VAMP7: variants seen among roughly 807,000 people sequenced by gnomAD.
The protein encoded by VAMP7 is vesicle associated membrane protein 7.
Under a neutral mutation model 29.6 loss-of-function variants are expected in VAMP7, and 14 were observed. The observed-to-expected ratio is 0.47, with a 90% confidence interval of 0.31 to 0.74. The LOEUF (loss-of-function observed/expected upper bound fraction) is 0.74. Ranked by LOEUF, VAMP7 falls within the 30% of genes least tolerant of loss-of-function variation. The pLI, the probability that VAMP7 is intolerant of heterozygous loss-of-function variation, is 0.05. For missense variants in VAMP7, 223 were observed against 262.4 expected (o/e 0.85, Z 1.04); for synonymous variants, 95 against 88.1 (o/e 1.08, Z -0.44).
chrX:155,903,969 T>C (rs999161722), intron 5 of VAMP7, among the ~76,000 whole-genome samples: 15 of 151,872 alleles, frequency 9.9e-5, no homozygotes, highest in Admixed American at 3.9e-4. Flanking sequence ...TGTCCAACAA[T>C]GATAGACTGG....
At chrX:155,910,600 T>C (rs919437302) in intron 5 of VAMP7, among the ~76,000 whole-genome samples, 6 of 151,732 alleles carry the variant, frequency 4.0e-5, no homozygotes, top group African/African-American at 1.2e-4. Flanking sequence ...TTTTTTTTTT[T>C]CCTTATACTA....
chrX:155,936,934 T>C (rs2066668286), intron 6 of VAMP7, among the ~76,000 whole-genome samples: 1 of 152,072 alleles, frequency 6.6e-6, no homozygotes, highest in African/African-American at 2.4e-5. Context: ...ACACTGAAAA[T>C]TATAAAACAT....
chrX:155,927,917 GTTGT>G (rs923162517), intron 6 of VAMP7, among the ~76,000 whole-genome samples: 2 of 151,288 alleles, frequency 1.3e-5, no homozygotes, highest in African/African-American at 4.9e-5. Flanking sequence ...TGTTGTTGTT[GTTGT>G]TTGTTTTGTT....
intron 2 of VAMP7, among the ~76,000 whole-genome samples, chrX:155,891,854 G>A (rs1197359642): frequency 2.6e-5 from 4 of 152,156 alleles, no homozygotes; most frequent in African/African-American, 9.7e-5. Flanking sequence ...AGGTTTGTGG[G>A]CCTAGAGGTT....
At chrX:155,930,445 C>T (rs756453873) in intron 6 of VAMP7, among the ~76,000 whole-genome samples, 1 of 151,396 alleles carries the variant, frequency 6.6e-6, no homozygotes, top group African/African-American at 2.4e-5. Context: ...AAGTTCAAGA[C>T]CAGCCTAGGC....
At chrX:155,911,319 T>TA (rs2066234227) in intron 5 of VAMP7, among the ~76,000 whole-genome samples, 1 of 152,168 alleles carries the variant, frequency 6.6e-6, no homozygotes, top group South Asian at 2.1e-4. Flanking sequence ...TGTCTGTTTT[T>TA]ATACCAAACC....
At chrX:155,904,613 C>T (rs1468479620) in intron 5 of VAMP7, among the ~76,000 whole-genome samples, 1 of 151,920 alleles carries the variant, frequency 6.6e-6, no homozygotes, top group African/African-American at 2.4e-5. Flanking sequence ...CAGACCTAAG[C>T]AACAATTAAT....
chrX:155,934,401 A>G (rs959348313), intron 6 of VAMP7, among the ~76,000 whole-genome samples: 5 of 152,194 alleles, frequency 3.3e-5, no homozygotes, highest in Admixed American at 1.3e-4. Context: ...GGGTGCATAA[A>G]TATTTAGGAT....
intron 5 of VAMP7, among the ~76,000 whole-genome samples, chrX:155,901,647 G>A (rs182288968): frequency 6.6e-6 from 1 of 152,014 alleles, no homozygotes; most frequent in African/African-American, 2.4e-5. Flanking sequence ...CCCATTGCTT[G>A]TTTTTCTTAG....
At chrX:155,915,722 T>C (rs911463037) in intron 5 of VAMP7, among the ~76,000 whole-genome samples, 2 of 152,216 alleles carry the variant, frequency 1.3e-5, no homozygotes, top group African/African-American at 4.8e-5. Flanking sequence ...CACTGTGGTC[T>C]GAGAGACTGT....
rs2066758052 is a variant in VAMP7 at position 155,942,319 on chromosome X, C to T, written c.*368C>T. The T allele has an allele frequency of 1.4e-6, 1 of 714,538 alleles. No individual in the cohort carries two copies. Among genetic ancestry groups the T allele is most frequent in the African/African-American group, 1.8e-5 (1 of 55,966 alleles). The allele number at this position is 714,538 out of a possible 1,614,324, so 44.3% of individuals were successfully genotyped here. On this transcript the variant is annotated 3_prime_UTR_variant, in exon 8 of 8. Coordinates refer to ENST00000286448, the MANE Select transcript of VAMP7 (RefSeq NM_005638.6). ...TATGGAGAAACTTTGTATGTGCACACAAAAGTATTCAAGAGACAGTATTGC... is the reference window on the plus strand; with the variant it reads ...TATGGAGAAACTTTGTATGTGCACATAAAAGTATTCAAGAGACAGTATTGC...
intron 5 of VAMP7, among the ~76,000 whole-genome samples, chrX:155,907,627 A>T (rs1205705421): frequency 6.6e-6 from 1 of 151,740 alleles, no homozygotes; most frequent in African/African-American, 2.4e-5. Flanking sequence ...AGGCAGAAGA[A>T]TTTTTCTTAG....
chrX:155,908,408 A>G (rs2066182412), intron 5 of VAMP7, among the ~76,000 whole-genome samples: 1 of 152,066 alleles, frequency 6.6e-6, no homozygotes, highest in Non-Finnish European at 1.5e-5. Flanking sequence ...AAAATACGAA[A>G]ACCAGTCAGG....
intron 5 of VAMP7, among the ~76,000 whole-genome samples, chrX:155,903,771 G>T (rs2066104608): frequency 6.6e-6 from 1 of 152,106 alleles, no homozygotes; most frequent in Non-Finnish European, 1.5e-5. Flanking sequence ...CTGTAAACTA[G>T]TTCAACCCTT....
intron 5 of VAMP7, among the ~76,000 whole-genome samples, chrX:155,908,640 C>T (rs1386118333): frequency 2.6e-5 from 4 of 151,996 alleles, no homozygotes; most frequent in Admixed American, 1.3e-4. Context: ...CAGGGTAATG[C>T]TGGGCTCATA....
At chrX:155,907,338 T>G (rs911622643) in intron 5 of VAMP7, among the ~76,000 whole-genome samples, 2 of 151,986 alleles carry the variant, frequency 1.3e-5, no homozygotes, top group African/African-American at 4.8e-5. Flanking sequence ...TTTGGCAGGG[T>G]CATGGGACAA....
At chrX:155,898,820 A>G (rs940862560) in intron 4 of VAMP7, among the ~76,000 whole-genome samples, 1 of 152,058 alleles carries the variant, frequency 6.6e-6, no homozygotes, top group African/African-American at 2.4e-5. Flanking sequence ...TATCACTATA[A>G]ATTAGTTTTG....
intron 6 of VAMP7, 86 bp from the exon 7 acceptor site, chrX:155,939,615 A>T: frequency 1.1e-6 from 1 of 950,882 alleles, no homozygotes; most frequent in Non-Finnish European, 1.7e-6. Flanking sequence ...AATGGAATTA[A>T]TGGAAGTAAA....
chrX:155,921,468 G>C (rs187028208), intron 6 of VAMP7, among the ~76,000 whole-genome samples: 30 of 152,172 alleles, frequency 2.0e-4, no homozygotes, highest in Non-Finnish European at 4.4e-4. Flanking sequence ...TGTTTTGCCT[G>C]TTCTTAAAAT....
Sources: gnomAD v4.1 joint callset for allele counts (sites outside exome capture counted in the v4.1 genomes callset) on GRCh38, gnomAD v4.1.1 for gene constraint, MANE v1.5 for transcripts, NCBI Gene and HGNC (gene_info 2026-07-23, HGNC 2026-07-21) for gene names.